The following ARHGAP6 variants were observed in gnomAD, a reference collection of about 807,000 sequenced individuals.
The protein encoded by ARHGAP6 is rho GTPase-activating protein 6.
ARHGAP6 carries 16 observed loss-of-function variants against 55.7 expected under a neutral mutation model. The observed-to-expected ratio is 0.29, with a 90% CI of 0.19 to 0.44. ARHGAP6 has a LOEUF of 0.44. Ranked by LOEUF, ARHGAP6 falls within the 20% of genes least tolerant of loss-of-function variation. The pLI is 1.00. For synonymous variants in ARHGAP6, 382 were observed against 360.9 expected (o/e 1.06, Z -0.66); for missense variants, 698 against 808.9 (o/e 0.86, Z 1.66).
intron 10 of ARHGAP6, among the ~76,000 whole-genome samples, chrX:11,154,401 C>T (rs2045834942): frequency 8.9e-6 from 1 of 112,298 alleles, no homozygotes; most frequent in South Asian, 3.7e-4. Flanking sequence ...GTGCTTCTTC[C>T]TTTTCCTAAT....
chrX:11,181,972 C>G, intron 6 of ARHGAP6, 91 bp downstream of exon 6: 2 of 649,163 alleles, frequency 3.1e-6, no homozygotes, highest in Non-Finnish European at 4.6e-6. Flanking sequence ...AAAAGATAAT[C>G]AAAATGGAAT....
At chrX:11,600,890 C>T (rs1400898615) in intron 1 of ARHGAP6, among the ~76,000 whole-genome samples, 1 of 111,746 alleles carries the variant, frequency 8.9e-6, no homozygotes, top group Non-Finnish European at 1.9e-5. Context: ...GGGACCTTTG[C>T]GAGCCTGGGT....
rs772189987 is a variant in ARHGAP6 at position 11,567,496 on chromosome X, G to C, written c.588+96745C>G. Among the ~76,000 whole-genome samples, 6 of 102,498 alleles carry C rather than the reference G, an allele frequency of 5.9e-5. No homozygotes were observed. The South Asian group carries it at 2.3e-3, about 40-fold the overall frequency. The allele number at this position is 102,498 out of a possible 115,157, so 89.0% of individuals were successfully genotyped here. A position where few individuals can be genotyped will look rare whatever the true frequency, so the allele number is the denominator to read the frequency against. ...ATGAACCTGGGAGGTGGAGCTTGCA[G>C]TGAGCCGAGATGGCGCCACTGCACT... On this transcript the variant is annotated intron_variant, in intron 1 of 12. Coordinates refer to ENST00000337414, the MANE Select transcript of ARHGAP6 (RefSeq NM_013427.3).
At chrX:11,604,521 T>C (rs1388329333) in intron 1 of ARHGAP6, among the ~76,000 whole-genome samples, 1 of 111,360 alleles carries the variant, frequency 9.0e-6, no homozygotes, top group Non-Finnish European at 1.9e-5. Flanking sequence ...CCCCATGAAA[T>C]CTACATACCT....
intron 1 of ARHGAP6, among the ~76,000 whole-genome samples, chrX:11,420,084 T>C (rs2049801087): frequency 9.0e-6 from 1 of 111,584 alleles, no homozygotes; most frequent in Non-Finnish European, 1.9e-5. Context: ...AGTGGAAGAG[T>C]CTTCAGTAAC....
chrX:11,391,150 T>G (rs932729507), intron 1 of ARHGAP6, among the ~76,000 whole-genome samples: 2 of 111,785 alleles, frequency 1.8e-5, no homozygotes, highest in Non-Finnish European at 3.8e-5. Context: ...AACGATGAGT[T>G]CATGTCCTTT....
At chrX:11,395,188 A>G (rs911973483) in intron 1 of ARHGAP6, among the ~76,000 whole-genome samples, 1 of 112,051 alleles carries the variant, frequency 8.9e-6, no homozygotes, top group Non-Finnish European at 1.9e-5. Context: ...GGCAATCAAA[A>G]TCAACACATA....
At chrX:11,281,023 C>T (rs995481401) in intron 1 of ARHGAP6, among the ~76,000 whole-genome samples, 4 of 111,260 alleles carry the variant, frequency 3.6e-5, no homozygotes, top group Non-Finnish European at 7.5e-5. Context: ...TCCAAATGTT[C>T]GTGAAAGTAG....
chrX:11,544,613 C>T (rs1348774443), intron 1 of ARHGAP6, among the ~76,000 whole-genome samples: 1 of 112,040 alleles, frequency 8.9e-6, no homozygotes, highest in Non-Finnish European at 1.9e-5. Flanking sequence ...ATGAGGTTCA[C>T]TTCATGGTTC....
chrX:11,574,310 G>C (rs753637321), intron 1 of ARHGAP6, among the ~76,000 whole-genome samples: 1 of 110,980 alleles, frequency 9.0e-6, no homozygotes, highest in South Asian at 3.8e-4. Flanking sequence ...GATGAACATT[G>C]ATGCAAAAAT....
chrX:11,580,146 A>G (rs2147117823), intron 1 of ARHGAP6, among the ~76,000 whole-genome samples: 1 of 112,149 alleles, frequency 8.9e-6, no homozygotes, highest in Admixed American at 9.5e-5. Flanking sequence ...GATAGCTACC[A>G]AAACTAAACA....
At chrX:11,416,737 C>G (rs1054392087) in intron 1 of ARHGAP6, among the ~76,000 whole-genome samples, 1 of 110,393 alleles carries the variant, frequency 9.1e-6, no homozygotes, top group African/African-American at 3.3e-5. Context: ...ATGGCTACCT[C>G]AAATCCATGC....
At chrX:11,411,715 A>G (rs1356690506) in intron 1 of ARHGAP6, among the ~76,000 whole-genome samples, 1 of 111,620 alleles carries the variant, frequency 9.0e-6, no homozygotes, top group African/African-American at 3.3e-5. Context: ...TATATATACC[A>G]TTACTAACGT....
chrX:11,234,402 C>T (rs778440989), intron 2 of ARHGAP6, among the ~76,000 whole-genome samples: 108 of 112,558 alleles, frequency 9.6e-4, no homozygotes, highest in Non-Finnish European at 1.8e-3. Context: ...TGTTATGCTG[C>T]TTTGCTTTGT....
intron 1 of ARHGAP6, among the ~76,000 whole-genome samples, chrX:11,322,929 A>G (rs1158704685): frequency 7.1e-5 from 8 of 112,548 alleles, no homozygotes; most frequent in African/African-American, 2.6e-4. Context: ...TGTAACTTAT[A>G]TTATATTTTG....
intron 1 of ARHGAP6, among the ~76,000 whole-genome samples, chrX:11,590,053 A>C (rs767647059): frequency 3.0e-4 from 34 of 111,672 alleles, no homozygotes; most frequent in Non-Finnish European, 9.4e-5. Context: ...GGCAGGGTGA[A>C]GAGAGGGAGA....
At chrX:11,315,408 CGG>C (rs1182867176) in intron 1 of ARHGAP6, among the ~76,000 whole-genome samples, 1 of 112,144 alleles carries the variant, frequency 8.9e-6, no homozygotes, top group Non-Finnish European at 1.9e-5. Flanking sequence ...ACTGATCTGA[CGG>C]GCGGCGGAGC....
chrX:11,640,392 C>T (rs2052461713), intron 1 of ARHGAP6, among the ~76,000 whole-genome samples: 1 of 111,779 alleles, frequency 8.9e-6, no homozygotes, highest in African/African-American at 3.2e-5. Context: ...TGGAGTTGGG[C>T]GTTCAGCCTA....
chrX:11,263,338 C>T (rs1475177387), intron 1 of ARHGAP6, among the ~76,000 whole-genome samples: 3 of 111,702 alleles, frequency 2.7e-5, no homozygotes, highest in Non-Finnish European at 5.6e-5. Context: ...GAGCAGATGA[C>T]ACCACCATGC....
Sources: gnomAD v4.1 joint callset for allele counts (sites outside exome capture counted in the v4.1 genomes callset) on GRCh38, gnomAD v4.1.1 for gene constraint, MANE v1.5 for transcripts, NCBI Gene and HGNC (gene_info 2026-07-23, HGNC 2026-07-21) for gene names.